Variants in DIP2B observed in about 807,000 individuals in gnomAD.
DIP2B encodes disco-interacting protein 2 homolog B.
DIP2B carries 76 observed loss-of-function variants against 198.0 expected under a neutral mutation model. The ratio of observed to expected loss-of-function variants is 0.38; its 90% CI spans 0.32 to 0.46. The LOEUF is 0.46. Among genes scored for constraint, DIP2B ranks in the 20% least tolerant of loss-of-function variants. The probability of loss-of-function intolerance (pLI) is 0.99; values close to 1 mark genes in which losing one functional copy is unlikely to be tolerated. For synonymous variants in DIP2B, 701 were observed against 739.1 expected (o/e 0.95, Z 0.84); for missense variants, 1,559 against 1,978.4 (o/e 0.79, Z 4.02).
chr12:50,566,525 C>T (rs4768892), intron 1 of DIP2B, among the ~76,000 whole-genome samples: 39,685 of 151,946 alleles, frequency 0.26, 5,677 homozygotes, highest in East Asian at 0.39. Flanking sequence ...AGTTTGCAGC[C>T]ATTATTTTTT....
At chr12:50,569,012 T>C (rs924677691) in intron 1 of DIP2B, among the ~76,000 whole-genome samples, 5 of 152,112 alleles carry the variant, frequency 3.3e-5, no homozygotes, top group African/African-American at 1.2e-4. Flanking sequence ...CTCAACTAAT[T>C]TGAAATAGTT....
At chr12:50,726,231 G>A (rs1939930795) in intron 28 of DIP2B, among the ~76,000 whole-genome samples, 1 of 152,188 alleles carries the variant, frequency 6.6e-6, no homozygotes, top group African/African-American at 2.4e-5. Flanking sequence ...CCATTGAAGA[G>A]GTATGGCTGG....
At chr12:50,657,776 A>G (rs1938579803) in intron 3 of DIP2B, among the ~76,000 whole-genome samples, 1 of 152,238 alleles carries the variant, frequency 6.6e-6, no homozygotes, top group Admixed American at 6.5e-5. Context: ...TATCAAGATA[A>G]TAAAAGGCAA....
At chr12:50,674,750 A>G in intron 6 of DIP2B, 121 bp downstream of exon 6, 2 of 1,222,572 alleles carry the variant, frequency 1.6e-6, no homozygotes, top group South Asian at 1.5e-5. Context: ...TGGCCCACTA[A>G]TAACTAATCC....
At chr12:50,687,943 T>C (rs1469153385) in intron 12 of DIP2B, among the ~76,000 whole-genome samples, 2 of 150,218 alleles carry the variant, frequency 1.3e-5, no homozygotes, top group Non-Finnish European at 3.0e-5. Context: ...GTGGGACACA[T>C]TGGTTCACGC....
At chr12:50,634,398 T>C (rs1301348407) in intron 2 of DIP2B, among the ~76,000 whole-genome samples, 1 of 152,224 alleles carries the variant, frequency 6.6e-6, no homozygotes, top group Non-Finnish European at 1.5e-5. Context: ...AAGTAACTGA[T>C]AATTCCAGCT....
intron 10 of DIP2B, 127 bp downstream of exon 10, chr12:50,683,375 T>G (rs1213817254): frequency 1.5e-6 from 1 of 674,390 alleles, no homozygotes; most frequent in Non-Finnish European, 2.5e-6. Context: ...CTTCACTTTC[T>G]AAAAACAGGA....
intron 4 of DIP2B, among the ~76,000 whole-genome samples, chr12:50,661,311 G>T (rs1180517972): frequency 6.6e-6 from 1 of 152,032 alleles, no homozygotes. Flanking sequence ...ATACGTCTTT[G>T]GGGAGATTCC....
chr12:50,552,099 A>G (rs1434145226), intron 1 of DIP2B, among the ~76,000 whole-genome samples: 1 of 152,006 alleles, frequency 6.6e-6, no homozygotes, highest in African/African-American at 2.4e-5. Context: ...TAGATATCCT[A>G]ATGGTGTGAG....
rs1958797380 is a variant in DIP2B, at chr12:50,589,191, T to TA, written c.101-36781dup. 4.0e-5 allele frequency among the ~76,000 whole-genome samples: 6 copies of TA among 149,948 alleles called. No individual in the cohort carries two copies. The South Asian group carries it at 1.3e-3, about 31-fold the overall frequency. On this transcript the variant is annotated intron_variant, in intron 1 of 37. Transcript: ENST00000301180. ...AGGGCAAGACTCTGTCTCAAAAAAA[T>TA]AAAATAAAATAAAATAAAAATAAAT...
In DIP2B at chr12:50,697,257, G is replaced by A. The variant is rs753411857; in HGVS notation, c.2048+82G>A. On this transcript the variant is annotated intron_variant, in intron 17 of 37. Coordinates refer to ENST00000301180, the MANE Select transcript of DIP2B (RefSeq NM_173602.3). ...CAGTATTTACCAGGTGATGACCAAC[G>A]GATGTTAACTAATTTTCTAAGCAGT... The A allele has an allele frequency of 3.5e-4, 424 of 1,200,984 alleles. 3 individuals are homozygous for A. Among genetic ancestry groups the A allele is most frequent in the South Asian group, 1.1e-3 (71 of 67,414 alleles). 74.4% of individuals were successfully genotyped at this position (1,200,984 alleles called of 1,614,324 possible).
intron 1 of DIP2B, among the ~76,000 whole-genome samples, chr12:50,552,747 A>G (rs1254548028): frequency 6.6e-6 from 1 of 152,074 alleles, no homozygotes; most frequent in African/African-American, 2.4e-5. Flanking sequence ...AGTATTATTA[A>G]GCTTTTCTTC....
At chr12:50,556,245 T>C (rs1389132459) in intron 1 of DIP2B, among the ~76,000 whole-genome samples, 1 of 151,792 alleles carries the variant, frequency 6.6e-6, no homozygotes, top group Non-Finnish European at 1.5e-5. Flanking sequence ...AGACGGAGTT[T>C]TACCACATTG....
In DIP2B at chr12:50,718,973, A is replaced by C. The variant is rs772808219; in HGVS notation, c.2980A>C (p.Ile994Leu). The change falls in exon 25 of 38, where the codon ATC becomes CTC. Residue 994 changes from isoleucine (I) to leucine (L), a missense_variant. Ile to Leu is a conservative substitution (Grantham distance 5). Transcript: ENST00000301180. ...LVRKHQFLAE[I>L]LQWRAQATPD... ...ACTTCAGCACCAGTTTCTGGCAGAG[A>C]TCCTACAGTGGCGAGCCCAGGCGAC... 25 of 1,614,054 alleles carry C rather than the reference A, an allele frequency of 1.5e-5. No individual in the cohort carries two copies. The highest frequency in any genetic ancestry group is 2.1e-5 in the Non-Finnish European group (25 of 1,180,038).
At chr12:50,578,683 T>C (rs976809643) in intron 1 of DIP2B, among the ~76,000 whole-genome samples, 6 of 152,030 alleles carry the variant, frequency 3.9e-5, no homozygotes, top group African/African-American at 1.2e-4. Flanking sequence ...AATTTTTTTG[T>C]ATTTTTAGTA....
intron 1 of DIP2B, among the ~76,000 whole-genome samples, chr12:50,595,248 G>T (rs1437465867): frequency 1.3e-5 from 2 of 152,154 alleles, no homozygotes; most frequent in Non-Finnish European, 2.9e-5. Flanking sequence ...CCCTTTGTGT[G>T]GTGGTGAATC....
intron 12 of DIP2B, 83 bp from the exon 13 acceptor site, chr12:50,690,965 TG>T: frequency 8.5e-7 from 1 of 1,178,346 alleles, no homozygotes; most frequent in Non-Finnish European, 1.2e-6. Context: ...ATGGTTTTTC[TG>T]GGTTTTGTTT....
chr12:50,516,096 G>A (rs1565809397), intron 1 of DIP2B, among the ~76,000 whole-genome samples: 1 of 152,044 alleles, frequency 6.6e-6, no homozygotes, highest in Non-Finnish European at 1.5e-5. Flanking sequence ...GCACCTTCTT[G>A]TTGCATCTTC....
At chr12:50,646,270 C>T (rs545281741) in intron 3 of DIP2B, among the ~76,000 whole-genome samples, 6 of 151,124 alleles carry the variant, frequency 4.0e-5, no homozygotes, top group South Asian at 2.1e-4. Context: ...ATTACAGGCA[C>T]GTGCCACCAC....
Sources: allele counts gnomAD v4.1 joint callset (sites outside exome capture counted in the v4.1 genomes callset), GRCh38; gene constraint gnomAD v4.1.1; transcripts MANE v1.5; gene names NCBI Gene and HGNC (gene_info 2026-07-23, HGNC 2026-07-21).